TIAL1: variants seen among roughly 807,000 people sequenced by gnomAD.
TIAL1 encodes the protein TIA1 cytotoxic granule associated RNA binding protein like 1.
A neutral mutation model predicts 59.7 loss-of-function variants in TIAL1; 7 were observed. That is an observed-to-expected ratio of 0.12 (90% CI 0.07 to 0.22). The LOEUF is 0.22. Ranked by LOEUF, TIAL1 falls within the 10% of genes least tolerant of loss-of-function variation. The probability of loss-of-function intolerance (pLI) is 1.00; values close to 1 mark genes in which losing one functional copy is unlikely to be tolerated. For missense variants in TIAL1, 225 were observed against 462.5 expected (o/e 0.49, Z 4.71); for synonymous variants, 149 against 146.3 (o/e 1.02, Z -0.13).
At chr10:119,578,941 G>T in intron 6 of TIAL1, 107 bp from the exon 7 acceptor site, 9 of 787,666 alleles carry the variant, frequency 1.1e-5, no homozygotes, top group East Asian at 2.7e-5. Context: ...ATCAGTAGAT[G>T]AATTTACTAA....
Position 119,577,448 on chromosome 10 carries a change from T to TA in TIAL1, c.737+2dup. ...AATAATGATATTTCAAGTAGAGTGT[T>TA]ACCTGACAAATGAATAGCCCTTTTC... On this transcript the variant is annotated splice_region_variant and intron_variant, in intron 9 of 11. Transcript: ENST00000436547. 1 of 1,608,518 alleles carries TA rather than the reference T, an allele frequency of 6.2e-7. No homozygotes were observed. The highest frequency in any genetic ancestry group is 8.5e-7 in the Non-Finnish European group (1 of 1,175,542).
intron 1 of TIAL1, among the ~76,000 whole-genome samples, chr10:119,592,634 T>G (rs1004028271): frequency 6.6e-6 from 1 of 152,222 alleles, no homozygotes; most frequent in Non-Finnish European, 1.5e-5. Flanking sequence ...TTTGCAATAA[T>G]ATCCTTCAAT....
At position 119,575,005 on chromosome 10, in the gene TIAL1, G is replaced by T. The variant is rs1373902563; in HGVS notation, c.*660C>A. On this transcript the variant is annotated 3_prime_UTR_variant, in exon 12 of 12. Transcript: ENST00000436547. Reference sequence around the variant, plus strand: ...ACAATTTTAATAATCGACACTTTTGGAAGTTTTAAAAATATGTCTTAACGT... The same window carrying T: ...ACAATTTTAATAATCGACACTTTTGTAAGTTTTAAAAATATGTCTTAACGT... The T allele has an allele frequency of 6.6e-6, 1 of 152,578 alleles. No homozygotes were observed. The highest frequency in any genetic ancestry group is 1.5e-5 in the Non-Finnish European group (1 of 68,034). 9.5% of individuals were successfully genotyped at this position (152,578 alleles called of 1,614,324 possible).
rs1322446089 is a variant in TIAL1 at position 119,575,910 on chromosome 10, A to G, written c.1002-119T>C. Reference sequence around the variant, plus strand: ...TAGAAAACCAGAAATCAACACACCTACAACAAATAGAAAGATCAAAGAAAT... The same window carrying G: ...TAGAAAACCAGAAATCAACACACCTGCAACAAATAGAAAGATCAAAGAAAT... On this transcript the variant is annotated intron_variant, in intron 11 of 11. Coordinates refer to ENST00000436547, the MANE Select transcript of TIAL1 (RefSeq NM_003252.4). 3.3e-6 allele frequency: 3 copies of G among 920,604 alleles called. No homozygotes were observed. In the East Asian group the frequency reaches 8.7e-5, roughly 27 times the overall value. The allele number at this position is 920,604 out of a possible 1,614,324, so 57.0% of individuals were successfully genotyped here. A position where few individuals can be genotyped will look rare whatever the true frequency, so the allele number is the denominator to read the frequency against.
chr10:119,575,843 A>G, intron 11 of TIAL1, 52 bp from the exon 12 acceptor site: 25 of 1,496,014 alleles, frequency 1.7e-5, no homozygotes, highest in Non-Finnish European at 2.1e-5. Context: ...AAAAAATCAC[A>G]TATGTATTTA....
chr10:119,596,361 C>G (rs1048566828), intron 1 of TIAL1, 73 bp downstream of exon 1: 3 of 1,571,870 alleles, frequency 1.9e-6, no homozygotes, highest in Non-Finnish European at 2.6e-6. Flanking sequence ...CCCAGTCTCT[C>G]CTGCTCCCTC....
intron 1 of TIAL1, among the ~76,000 whole-genome samples, chr10:119,590,772 G>GAAAA (rs879839777): frequency 3.6e-5 from 4 of 110,332 alleles, no homozygotes; most frequent in Admixed American, 1.7e-4. Context: ...GAGAAAGAAA[G>GAAAA]AAAGAAAGAA....
At position 119,590,346 on chromosome 10, in the gene TIAL1, A is replaced by G. The variant is rs575762908; in HGVS notation, c.33-2098T>C. On this transcript the variant is annotated intron_variant, in intron 1 of 11. Transcript: ENST00000436547. Reference sequence around the variant, plus strand: ...GCGATAGGCTGCTTGCCCCTTCTTAACTCATAGGGGTTTGTGAGCCTGTAT... The same window carrying G: ...GCGATAGGCTGCTTGCCCCTTCTTAGCTCATAGGGGTTTGTGAGCCTGTAT... Among the ~76,000 whole-genome samples, 115 of 152,180 alleles carry G rather than the reference A, an allele frequency of 7.6e-4. 1 individual carries two copies. Among genetic ancestry groups the G allele is most frequent in the African/African-American group, 2.7e-3 (113 of 41,528 alleles).
chr10:119,582,713 C>T lies in TIAL1; in HGVS notation c.130-156G>A. The T allele has an allele frequency of 1.7e-6, 2 of 1,203,420 alleles. No individual in the cohort carries two copies. The highest frequency in any genetic ancestry group is 2.0e-5 in the South Asian group (1 of 49,644). The allele number at this position is 1,203,420 out of a possible 1,614,324, so 74.5% of individuals were successfully genotyped here. ...AACACTTTTTAAATAAGATTTAAAGCTAAACCTGACTTTGCACCTCAGAAT... is the reference window on the plus strand; with the variant it reads ...AACACTTTTTAAATAAGATTTAAAGTTAAACCTGACTTTGCACCTCAGAAT... On this transcript the variant is annotated intron_variant, in intron 2 of 11. Coordinates refer to ENST00000436547, the MANE Select transcript of TIAL1 (RefSeq NM_003252.4). This position sits in a 1 kb window ranked among gnomAD's most constrained non-coding sequence, Gnocchi z 5.1.
intron 2 of TIAL1, among the ~76,000 whole-genome samples, chr10:119,585,125 A>C: frequency 1.4e-5 from 1 of 72,548 alleles, no homozygotes; most frequent in Non-Finnish European, 2.7e-5. Context: ...TCCATCTCAA[A>C]AAAAAAAAAA....
At chr10:119,590,772 GAAAGAAAGAA>G (rs1564744748) in intron 1 of TIAL1, among the ~76,000 whole-genome samples, 76 of 110,332 alleles carry the variant, frequency 6.9e-4, no homozygotes, top group Middle Eastern at 5.1e-3. Flanking sequence ...GAGAAAGAAA[GAAAGAAAGAA>G]AGAAAGAAAG....
Position 119,575,569 on chromosome 10 carries a change from A to C in TIAL1, c.*96T>G. The C allele has an allele frequency of 6.6e-7, 1 of 1,511,256 alleles. No individual in the cohort carries two copies. Among genetic ancestry groups the C allele is most frequent in the Non-Finnish European group, 9.1e-7 (1 of 1,096,474 alleles). 93.6% of individuals were successfully genotyped at this position (1,511,256 alleles called of 1,614,324 possible). On this transcript the variant is annotated 3_prime_UTR_variant, in exon 12 of 12. Transcript: ENST00000436547. ...TCCAAACATTTCAATTTTTAAAATA[A>C]ATATTTTCATTTTCCGATGTCTACT...
chr10:119,591,447 C>A (rs1025389899), intron 1 of TIAL1, among the ~76,000 whole-genome samples: 1 of 151,906 alleles, frequency 6.6e-6, no homozygotes. Flanking sequence ...CAACCTATTT[C>A]CCGCCAGTTA....
chr10:119,576,011 G>C (rs1453519693), intron 11 of TIAL1, among the ~76,000 whole-genome samples: 2 of 152,070 alleles, frequency 1.3e-5, no homozygotes, highest in Non-Finnish European at 2.9e-5. Context: ...TTAACACACT[G>C]ATGTCTGAGG....
At chr10:119,583,568 G>A (rs1845399193) in intron 2 of TIAL1, among the ~76,000 whole-genome samples, 1 of 152,090 alleles carries the variant, frequency 6.6e-6, no homozygotes, top group South Asian at 2.1e-4. Context: ...AATGTAAAAT[G>A]CCCTATAAGA....
chr10:119,581,022 G>C (rs554454528), intron 5 of TIAL1, among the ~76,000 whole-genome samples: 64 of 151,936 alleles, frequency 4.2e-4, no homozygotes, highest in Non-Finnish European at 7.7e-4. Context: ...TATCAAAACA[G>C]AAAGTTAAGA....
chr10:119,596,388 TGCCCGGG>T (rs755871482), intron 1 of TIAL1, 39 bp downstream of exon 1: 1 of 1,608,368 alleles, frequency 6.2e-7, no homozygotes, highest in Non-Finnish European at 8.5e-7. Flanking sequence ...CGTCCCGCGG[TGCCCGGG>T]CCTCTTGGCG....
intron 2 of TIAL1, among the ~76,000 whole-genome samples, chr10:119,584,437 G>A (rs1473864262): frequency 2.0e-5 from 3 of 152,060 alleles, no homozygotes; most frequent in South Asian, 4.2e-4. Flanking sequence ...ATACTGAAAT[G>A]AAATTTATGA....
At chr10:119,578,497 G>A (rs1273806891) in intron 7 of TIAL1, among the ~76,000 whole-genome samples, 2 of 152,022 alleles carry the variant, frequency 1.3e-5, no homozygotes, top group African/African-American at 4.8e-5. Context: ...TGGGCATGGT[G>A]GCATGTCCCT....
Sources: gnomAD v4.1 joint callset for allele counts (sites outside exome capture counted in the v4.1 genomes callset) on GRCh38, gnomAD v4.1.1 for gene constraint, Gnocchi (gnomAD v3.1) non-coding constraint, MANE v1.5 for transcripts, NCBI Gene and HGNC (gene_info 2026-07-23, HGNC 2026-07-21) for gene names.